TDRD7: variants seen among roughly 807,000 people sequenced by gnomAD.
The protein encoded by TDRD7 is tudor domain-containing protein 7.
Under a neutral mutation model 109.8 loss-of-function variants are expected in TDRD7, and 47 were observed. The ratio of observed to expected loss-of-function variants is 0.43; its 90% confidence interval spans 0.34 to 0.55. The LOEUF (loss-of-function observed/expected upper bound fraction) is 0.55, where lower values mean the gene tolerates loss of function less well. Among genes scored for constraint, TDRD7 ranks in the 20% least tolerant of loss-of-function variants. The pLI is 0.03. For missense variants in TDRD7, 1,164 were observed against 1,319.2 expected (o/e 0.88, Z 1.82); for synonymous variants, 424 against 457.3 (o/e 0.93, Z 0.93).
chr9:97,426,942 G>A (rs781722838), intron 1 of TDRD7, among the ~76,000 whole-genome samples: 13 of 152,142 alleles, frequency 8.5e-5, no homozygotes, highest in South Asian at 2.1e-4. Context: ...AGAATTCTCC[G>A]CTGTCCAGTA....
At chr9:97,415,211 A>G (rs1328770397) in intron 1 of TDRD7, among the ~76,000 whole-genome samples, 1 of 152,234 alleles carries the variant, frequency 6.6e-6, no homozygotes, top group Non-Finnish European at 1.5e-5. Context: ...AAAATGTAGT[A>G]AGGAAGATGA....
At chr9:97,415,981 T>C (rs1010891135) in intron 1 of TDRD7, among the ~76,000 whole-genome samples, 1 of 152,238 alleles carries the variant, frequency 6.6e-6, no homozygotes, top group Non-Finnish European at 1.5e-5. Flanking sequence ...CGATTTTTTT[T>C]AAAGCTTACA....
intron 6 of TDRD7, among the ~76,000 whole-genome samples, chr9:97,442,714 A>G (rs1377664877): frequency 2.0e-5 from 3 of 152,138 alleles, no homozygotes; most frequent in Admixed American, 1.3e-4. Flanking sequence ...TTTCTTTAAC[A>G]TATATTTTGG....
chr9:97,443,454 A>G (rs555617315), intron 6 of TDRD7, among the ~76,000 whole-genome samples: 24 of 152,366 alleles, frequency 1.6e-4, no homozygotes, highest in South Asian at 1.0e-3. Flanking sequence ...TGTGGAATAT[A>G]GGGTTAGTTC....
chr9:97,435,599 G>A (rs984378282), intron 4 of TDRD7, among the ~76,000 whole-genome samples: 2 of 150,742 alleles, frequency 1.3e-5, no homozygotes, highest in Non-Finnish European at 2.9e-5. Context: ...TCACACCACT[G>A]CACTCAAGCC....
At chr9:97,455,536 A>G (rs552619102) in intron 6 of TDRD7, among the ~76,000 whole-genome samples, 3 of 152,360 alleles carry the variant, frequency 2.0e-5, no homozygotes, top group Non-Finnish European at 2.9e-5. Context: ...AAATCAGTAA[A>G]TGTAATCCAT....
chr9:97,470,258 A>G (rs987544681), intron 8 of TDRD7, among the ~76,000 whole-genome samples: 5 of 152,196 alleles, frequency 3.3e-5, no homozygotes, highest in African/African-American at 1.2e-4. Context: ...AACCAGGTAG[A>G]TAGGCTGCTG....
intron 1 of TDRD7, among the ~76,000 whole-genome samples, chr9:97,421,698 T>TTGTGTG (rs59218055): frequency 3.6e-3 from 518 of 142,948 alleles, no homozygotes; most frequent in African/African-American, 5.4e-3. Context: ...TGCCCAGCTT[T>TTGTGTG]TGTGTGTGTG....
intron 8 of TDRD7, among the ~76,000 whole-genome samples, chr9:97,469,438 G>A (rs967492843): frequency 6.6e-6 from 1 of 152,168 alleles, no homozygotes; most frequent in African/African-American, 2.4e-5. Context: ...GGAGTTAGTG[G>A]TGTCTTCTGC....
chr9:97,439,004 G>C (rs990351930), intron 4 of TDRD7, among the ~76,000 whole-genome samples: 6 of 152,020 alleles, frequency 3.9e-5, no homozygotes, highest in Admixed American at 3.3e-4. Flanking sequence ...TCCAAGTTTT[G>C]AAAGAGGCTT....
chr9:97,462,588 C>G (rs532440058), intron 7 of TDRD7, among the ~76,000 whole-genome samples: 25 of 152,152 alleles, frequency 1.6e-4, no homozygotes, highest in South Asian at 1.0e-3. Context: ...ATGGCAGAAC[C>G]CTCATCTCAA....
intron 3 of TDRD7, 147 bp downstream of exon 3, chr9:97,431,221 C>T: frequency 7.9e-7 from 1 of 1,272,040 alleles, no homozygotes; most frequent in Non-Finnish European, 1.1e-6. Context: ...GCTAGCATTT[C>T]CATTTGAAAT....
At chr9:97,439,865 T>A (rs1022162724) in intron 5 of TDRD7, among the ~76,000 whole-genome samples, 1 of 152,206 alleles carries the variant, frequency 6.6e-6, no homozygotes, top group African/African-American at 2.4e-5. Flanking sequence ...AGTCAAAGAA[T>A]CTGAAGGTTA....
rs1829225425 is a variant in TDRD7, at chr9:97,487,203, A to G, written c.2947A>G (p.Thr983Ala). ...CAGGGTGCTTTTAAAAGGAATCCTG[A>G]CCAATGGACTGGTATCTGTGTATGA... ...WHRVLLKGIL[T>A]NGLVSVYELD... is the part of the protein sequence containing the mutation. Residue 983 changes from threonine to alanine, a missense_variant, in exon 16 of 17, where the codon ACC becomes GCC. Coordinates refer to ENST00000355295, the MANE Select transcript of TDRD7 (RefSeq NM_014290.3). 1 of 1,613,968 alleles carries G rather than the reference A, an allele frequency of 6.2e-7. No individual in the cohort carries two copies. The highest frequency in any genetic ancestry group is 8.5e-7 in the Non-Finnish European group (1 of 1,179,904).
chr9:97,436,693 C>T (rs1474109249), intron 4 of TDRD7, among the ~76,000 whole-genome samples: 1 of 152,040 alleles, frequency 6.6e-6, no homozygotes, highest in Admixed American at 6.6e-5. Context: ...GTTGTGGCTT[C>T]ATTTTTTACA....
In TDRD7 at chr9:97,460,630, G is replaced by A. The variant is rs777608846; in HGVS notation, c.1308G>A (p.Gln436=). ...IKAMVEQEYL[Q]VEESIAESAN... ...CTATGGTTGAACAAGAGTATTTGCAGGTAGAAGAAAGCATTGCTGAAAGTG... is the reference window on the plus strand; with the variant it reads ...CTATGGTTGAACAAGAGTATTTGCAAGTAGAAGAAAGCATTGCTGAAAGTG... Residue 436 remains glutamine, a synonymous_variant, in exon 7 of 17, where the codon CAG becomes CAA. Coordinates refer to ENST00000355295, the MANE Select transcript of TDRD7 (RefSeq NM_014290.3). 6.8e-6 allele frequency: 11 copies of A among 1,614,046 alleles called. No homozygotes were observed. Among genetic ancestry groups the A allele is most frequent in the Non-Finnish European group, 9.3e-6 (11 of 1,180,030 alleles).
chr9:97,479,574 T>C (rs774745799), intron 13 of TDRD7, among the ~76,000 whole-genome samples: 11 of 152,122 alleles, frequency 7.2e-5, no homozygotes, highest in Non-Finnish European at 1.2e-4. Flanking sequence ...CATAATCTTG[T>C]GTAGGTTTAT....
intron 16 of TDRD7, among the ~76,000 whole-genome samples, chr9:97,492,729 G>C (rs1273218917): frequency 6.6e-6 from 1 of 152,150 alleles, no homozygotes; most frequent in African/African-American, 2.4e-5. Flanking sequence ...CCTCTGCCAA[G>C]CCTTCTTTCT....
chr9:97,455,461 A>T (rs528999933), intron 6 of TDRD7, among the ~76,000 whole-genome samples: 1 of 152,344 alleles, frequency 6.6e-6, no homozygotes, highest in East Asian at 1.9e-4. Context: ...CAACACATCA[A>T]AAAACTTATC....
Sources: gnomAD v4.1 joint callset for allele counts (sites outside exome capture counted in the v4.1 genomes callset) on GRCh38, gnomAD v4.1.1 for gene constraint, MANE v1.5 for transcripts, NCBI Gene and HGNC (gene_info 2026-07-23, HGNC 2026-07-21) for gene names.